Variants in RGS6 observed in about 807,000 individuals in gnomAD.
The protein encoded by RGS6 is regulator of G-protein signaling 6.
In RGS6, 30 loss-of-function variants were observed where a neutral mutation model predicts 78.5. The ratio of observed to expected loss-of-function variants is 0.38; its 90% CI spans 0.29 to 0.52. The LOEUF (loss-of-function observed/expected upper bound fraction) is 0.52, where lower values mean the gene tolerates loss of function less well. Ranked by LOEUF, RGS6 falls within the 20% of genes least tolerant of loss-of-function variation. RGS6 has a pLI of 0.85. For missense variants in RGS6, 495 were observed against 609.7 expected (o/e 0.81, Z 1.98); for synonymous variants, 206 against 206.0 (o/e 1.00, Z 0.00).
chr14:71,874,578 T>C, the RGS6 span, among the ~76,000 whole-genome samples: 2 of 152,240 alleles, frequency 1.3e-5, no homozygotes, highest in African/African-American at 4.8e-5. Context: ...TACAATCATA[T>C]CATCTGCAAA....
At chr14:72,331,489 G>T (rs2075022100) in intron 2 of RGS6, among the ~76,000 whole-genome samples, 1 of 152,148 alleles carries the variant, frequency 6.6e-6, no homozygotes, top group Admixed American at 6.5e-5. Flanking sequence ...AATTGCCCCG[G>T]GAGTGCAGCG....
At chr14:72,347,108 T>A (rs1189097028) in intron 2 of RGS6, among the ~76,000 whole-genome samples, 5 of 152,226 alleles carry the variant, frequency 3.3e-5, no homozygotes, top group African/African-American at 4.8e-5. Flanking sequence ...TGCTTATTGA[T>A]TGGCACAGTG....
chr14:72,331,012 A>G (rs1413322356), intron 2 of RGS6, among the ~76,000 whole-genome samples: 1 of 152,206 alleles, frequency 6.6e-6, no homozygotes, highest in Non-Finnish European at 1.5e-5. Context: ...CATCTGGCCC[A>G]GGCCAGAGAG....
chr14:72,386,125 G>T (rs960323228), intron 3 of RGS6, among the ~76,000 whole-genome samples: 1 of 152,090 alleles, frequency 6.6e-6, no homozygotes, highest in Admixed American at 6.5e-5. Context: ...GGCAGCAAAG[G>T]TTGAATGTCT....
At chr14:71,870,031 A>T in the RGS6 span, among the ~76,000 whole-genome samples, 3 of 152,198 alleles carry the variant, frequency 2.0e-5, no homozygotes, top group Non-Finnish European at 4.4e-5. Context: ...AGTCACAGGT[A>T]TTCTGTTATA....
At chr14:72,306,411 A>C (rs1327222448) in intron 2 of RGS6, among the ~76,000 whole-genome samples, 1 of 152,212 alleles carries the variant, frequency 6.6e-6, no homozygotes, top group African/African-American at 2.4e-5. Flanking sequence ...TCCAAGTCTT[A>C]TTATTTAAGA....
chr14:72,596,607 A>G, the RGS6 span, among the ~76,000 whole-genome samples: 3 of 152,202 alleles, frequency 2.0e-5, no homozygotes, highest in African/African-American at 7.2e-5. Context: ...TTGTTAATAG[A>G]GCTGCCCAGA....
At chr14:72,094,044 A>G (rs1241720004) in intron 2 of RGS6, among the ~76,000 whole-genome samples, 2 of 152,156 alleles carry the variant, frequency 1.3e-5, no homozygotes, top group Non-Finnish European at 2.9e-5. Flanking sequence ...ATTGTGTGCC[A>G]TGAAAAAAAT....
At chr14:72,381,879 G>A (rs909164020) in intron 3 of RGS6, among the ~76,000 whole-genome samples, 1 of 151,998 alleles carries the variant, frequency 6.6e-6, no homozygotes, top group African/African-American at 2.4e-5. Context: ...TGCAAATTGG[G>A]AAAGGATATA....
At chr14:72,143,276 T>G (rs1023112905) in intron 2 of RGS6, among the ~76,000 whole-genome samples, 9 of 151,938 alleles carry the variant, frequency 5.9e-5, no homozygotes, top group African/African-American at 2.2e-4. Context: ...GGGAGGCTGA[T>G]GCAGGAGAAT....
chr14:72,577,157 A>G, the RGS6 span, among the ~76,000 whole-genome samples: 1 of 152,228 alleles, frequency 6.6e-6, no homozygotes, highest in South Asian at 2.1e-4. Context: ...TGGAGCCTGA[A>G]TTGCCTTCAT....
chr14:72,044,287 A>G (rs1317698081), intron 2 of RGS6, among the ~76,000 whole-genome samples: 1 of 152,222 alleles, frequency 6.6e-6, no homozygotes, highest in East Asian at 1.9e-4. Context: ...AGGGATACCC[A>G]GATAGCTAGA....
the RGS6 span, among the ~76,000 whole-genome samples, chr14:71,898,205 T>G: frequency 6.6e-6 from 1 of 152,328 alleles, no homozygotes; most frequent in Non-Finnish European, 1.5e-5. Flanking sequence ...CACCATGCTT[T>G]ACAGTAAATC....
chr14:72,062,603 TTG>T (rs1009685676), intron 2 of RGS6, among the ~76,000 whole-genome samples: 34 of 152,258 alleles, frequency 2.2e-4, no homozygotes, highest in Admixed American at 2.0e-3. Flanking sequence ...TATTAGGACT[TTG>T]TGATTTGTTG....
intron 2 of RGS6, among the ~76,000 whole-genome samples, chr14:72,346,970 G>T (rs2078175863): frequency 6.6e-6 from 1 of 152,206 alleles, no homozygotes; most frequent in South Asian, 2.1e-4. Flanking sequence ...TGTTTTACCT[G>T]CCTGTCAGTG....
At chr14:72,284,854 C>T (rs2062226556) in intron 2 of RGS6, among the ~76,000 whole-genome samples, 1 of 152,292 alleles carries the variant, frequency 6.6e-6, no homozygotes, top group Non-Finnish European at 1.5e-5. Flanking sequence ...GGTGGGGCTG[C>T]CCATAGGAAC....
intron 2 of RGS6, among the ~76,000 whole-genome samples, chr14:72,324,441 T>G (rs1002413931): frequency 1.3e-5 from 2 of 152,310 alleles, no homozygotes; most frequent in South Asian, 4.2e-4. Flanking sequence ...TGTGCCATGT[T>G]GGTGTGCTGC....
At chr14:71,948,778 G>A (rs905931479) in intron 1 of RGS6, among the ~76,000 whole-genome samples, 8 of 120,532 alleles carry the variant, frequency 6.6e-5, no homozygotes, top group South Asian at 5.7e-4. Flanking sequence ...AAGAGATGAG[G>A]TCTCACTGTG....
At chr14:72,303,940 A>T (rs892306584) in intron 2 of RGS6, among the ~76,000 whole-genome samples, 1 of 152,186 alleles carries the variant, frequency 6.6e-6, no homozygotes, top group African/African-American at 2.4e-5. Context: ...TCTACCAGAT[A>T]TTCCCCCCAA....
Sources: gnomAD v4.1 joint callset for allele counts (sites outside exome capture counted in the v4.1 genomes callset) on GRCh38, gnomAD v4.1.1 for gene constraint, MANE v1.5 for transcripts, NCBI Gene and HGNC (gene_info 2026-07-23, HGNC 2026-07-21) for gene names.